Variants in KCNIP4 observed in about 807,000 individuals in gnomAD.
KCNIP4 encodes Kv channel-interacting protein 4.
KCNIP4 carries 12 observed loss-of-function variants against 34.0 expected under a neutral mutation model. The ratio of observed to expected loss-of-function variants is 0.35; its 90% CI spans 0.23 to 0.57. The LOEUF (loss-of-function observed/expected upper bound fraction) is 0.57. Ranked by LOEUF, KCNIP4 falls within the 20% of genes least tolerant of loss-of-function variation. KCNIP4 has a pLI of 0.83. For synonymous variants in KCNIP4, 124 were observed against 102.2 expected (o/e 1.21, Z -1.29); for missense variants, 238 against 311.7 (o/e 0.76, Z 1.78).
chr4:21,644,329 G>A (rs1746852951), intron 1 of KCNIP4, among the ~76,000 whole-genome samples: 1 of 152,124 alleles, frequency 6.6e-6, no homozygotes, highest in African/African-American at 2.4e-5. Flanking sequence ...CAGAACTCAT[G>A]TCCAACCCAA....
At chr4:21,584,326 T>C (rs1741455861) in intron 1 of KCNIP4, among the ~76,000 whole-genome samples, 1 of 152,084 alleles carries the variant, frequency 6.6e-6, no homozygotes, top group African/African-American at 2.4e-5. Context: ...AATCAGGTTT[T>C]AATTTTTTAA....
At chr4:21,472,507 G>T (rs1373419981) in intron 1 of KCNIP4, among the ~76,000 whole-genome samples, 2 of 152,128 alleles carry the variant, frequency 1.3e-5, no homozygotes, top group African/African-American at 4.8e-5. Flanking sequence ...TCTTCTCTTA[G>T]ATTATCATGT....
At chr4:21,098,126 C>A (rs147488981) in intron 1 of KCNIP4, among the ~76,000 whole-genome samples, 164 of 152,256 alleles carry the variant, frequency 1.1e-3, no homozygotes, top group African/African-American at 3.8e-3. Context: ...TTCTTCACTT[C>A]TATGAAGGCT....
At chr4:21,694,598 T>C (rs371225812) in intron 1 of KCNIP4, among the ~76,000 whole-genome samples, 117 of 152,210 alleles carry the variant, frequency 7.7e-4, no homozygotes, top group South Asian at 5.8e-3. Context: ...ATCTGTACTC[T>C]CTAAAAAAAT....
At chr4:21,518,554 G>A (rs938115744) in intron 1 of KCNIP4, among the ~76,000 whole-genome samples, 7 of 152,048 alleles carry the variant, frequency 4.6e-5, no homozygotes, top group Non-Finnish European at 1.0e-4. Context: ...GAGGCCTGAG[G>A]ACACTGAAAG....
intron 1 of KCNIP4, among the ~76,000 whole-genome samples, chr4:21,230,738 C>T (rs1372794464): frequency 6.6e-6 from 1 of 152,054 alleles, no homozygotes; most frequent in East Asian, 1.9e-4. Context: ...GTATATGTAC[C>T]ACATTTTCTT....
At chr4:21,397,822 G>C (rs546726831) in intron 1 of KCNIP4, among the ~76,000 whole-genome samples, 6 of 152,262 alleles carry the variant, frequency 3.9e-5, no homozygotes, top group African/African-American at 1.2e-4. Context: ...CGCTGCCCTT[G>C]AGTATGCCAT....
chr4:20,924,731 T>C (rs1012988440), intron 1 of KCNIP4, among the ~76,000 whole-genome samples: 1 of 152,190 alleles, frequency 6.6e-6, no homozygotes, highest in African/African-American at 2.4e-5. Context: ...TTTATCATCT[T>C]TTAGAAACTT....
chr4:21,053,292 A>C (rs745376906), intron 1 of KCNIP4, among the ~76,000 whole-genome samples: 2 of 152,178 alleles, frequency 1.3e-5, no homozygotes, highest in Non-Finnish European at 2.9e-5. Context: ...TTTGGGTGCA[A>C]TTTTCCAAAG....
intron 1 of KCNIP4, among the ~76,000 whole-genome samples, chr4:21,234,018 ATATAT>A (rs1389804524): frequency 4.5e-5 from 5 of 112,260 alleles, no homozygotes; most frequent in Non-Finnish European, 6.8e-5. Context: ...CATATATAAC[ATATAT>A]TATATATAAC....
intron 1 of KCNIP4, among the ~76,000 whole-genome samples, chr4:20,892,994 C>G (rs1726107148): frequency 6.6e-6 from 1 of 152,166 alleles, no homozygotes; most frequent in Non-Finnish European, 1.5e-5. Context: ...AATAGGGTGA[C>G]AAGACCTTCG....
intron 1 of KCNIP4, among the ~76,000 whole-genome samples, chr4:21,725,127 T>A (rs1376198105): frequency 6.6e-6 from 1 of 152,130 alleles, no homozygotes; most frequent in Non-Finnish European, 1.5e-5. Context: ...AAACCTATGA[T>A]TCCTAATATT....
At chr4:21,754,409 C>A (rs1717370063) in intron 1 of KCNIP4, among the ~76,000 whole-genome samples, 1 of 152,166 alleles carries the variant, frequency 6.6e-6, no homozygotes, top group Non-Finnish European at 1.5e-5. Flanking sequence ...TTGGTTAATT[C>A]ATTGCTGAGT....
At chr4:20,747,167 A>G (rs1012920987) in intron 5 of KCNIP4, among the ~76,000 whole-genome samples, 1 of 152,198 alleles carries the variant, frequency 6.6e-6, no homozygotes, top group Non-Finnish European at 1.5e-5. Flanking sequence ...TATAAAAGCA[A>G]TGTTATGCAT....
chr4:21,455,713 TTC>T (rs953404878), intron 1 of KCNIP4, among the ~76,000 whole-genome samples: 23 of 148,952 alleles, frequency 1.5e-4, no homozygotes, highest in African/African-American at 4.9e-4. Flanking sequence ...ACCCTTTTTT[TTC>T]TTTTTCCTCT....
At chr4:21,210,788 A>C (rs2108976788) in intron 1 of KCNIP4, among the ~76,000 whole-genome samples, 1 of 152,322 alleles carries the variant, frequency 6.6e-6, no homozygotes, top group Admixed American at 6.5e-5. Flanking sequence ...TTAATGAATA[A>C]TTAAACTGAA....
At chr4:21,602,921 T>C (rs11736523) in intron 1 of KCNIP4, among the ~76,000 whole-genome samples, 18,392 of 152,214 alleles carry the variant, frequency 0.12, 1,232 homozygotes, top group African/African-American at 0.16. Flanking sequence ...TATGAAACAC[T>C]AATGAATAAG....
chr4:21,478,943 G>GT (rs1731208535), intron 1 of KCNIP4, among the ~76,000 whole-genome samples: 1 of 152,134 alleles, frequency 6.6e-6, no homozygotes, highest in Admixed American at 6.6e-5. Flanking sequence ...TTACTTTGCT[G>GT]TTTTCTAATT....
intron 1 of KCNIP4, among the ~76,000 whole-genome samples, chr4:21,645,214 G>A (rs1273704705): frequency 6.6e-6 from 1 of 152,078 alleles, no homozygotes; most frequent in African/African-American, 2.4e-5. Flanking sequence ...AACCATATGA[G>A]TTGTACCATT....
Sources: allele counts gnomAD v4.1 joint callset (sites outside exome capture counted in the v4.1 genomes callset), GRCh38; gene constraint gnomAD v4.1.1; transcripts MANE v1.5; gene names NCBI Gene and HGNC (gene_info 2026-07-23, HGNC 2026-07-21).